The following HUWE1 variants were observed in gnomAD, a reference collection of about 807,000 sequenced individuals.
The protein encoded by HUWE1 is HECT, UBA and WWE domain containing E3 ubiquitin protein ligase 1, also known as E3 ubiquitin-protein ligase HUWE1.
In HUWE1, 18 loss-of-function variants were observed where a neutral mutation model predicts 299.4. The observed-to-expected ratio is 0.06, with a 90% CI of 0.04 to 0.09. The LOEUF (loss-of-function observed/expected upper bound fraction) is 0.09. Among genes scored for constraint, HUWE1 ranks in the 10% least tolerant of loss-of-function variants. The pLI is 1.00. For missense variants in HUWE1, 1,832 were observed against 3,462.3 expected, an observed-to-expected ratio of 0.53 and a Z score of 11.82; for synonymous variants, 1,317 against 1,286.1, an observed-to-expected ratio of 1.02 and a Z score of -0.51.
intron 19 of HUWE1, among the ~76,000 whole-genome samples, chrX:53,618,972 A>AT (rs1481251191): frequency 1.8e-5 from 2 of 112,065 alleles, no homozygotes; most frequent in African/African-American, 3.2e-5. Context: ...TTCCCAACTC[A>AT]TAAGACTACA....
At chrX:53,549,789 T>C (rs2061692653) in intron 66 of HUWE1, among the ~76,000 whole-genome samples, 1 of 107,562 alleles carries the variant, frequency 9.3e-6, no homozygotes, top group Admixed American at 1.0e-4. Context: ...TCTCGCTCTG[T>C]CACCCAGGCT....
chrX:53,601,165 A>T lies in HUWE1; in HGVS notation c.2972-856T>A, dbSNP rs1038073304. On this transcript the variant is annotated intron_variant, in intron 28 of 83. Transcript: ENST00000262854. ...AATTTCCCTTTCTAGTAATTTCTGT[A>T]CAAGTTTTAAGCCTGATACCTTTTT... Among the ~76,000 whole-genome samples, 12 of 109,728 alleles carry T rather than the reference A, an allele frequency of 1.1e-4. No individual in the cohort carries two copies. The East Asian group carries it at 2.8e-3, about 26-fold the overall frequency.
chrX:53,543,704 C>T, intron 73 of HUWE1, 137 bp downstream of exon 73: 5 of 916,353 alleles, frequency 5.5e-6, no homozygotes, highest in Non-Finnish European at 7.6e-6. Context: ...AGAAAGTAAC[C>T]CTTTTGTCCA....
At chrX:53,572,355 A>G (rs894606846) in intron 47 of HUWE1, among the ~76,000 whole-genome samples, 9 of 111,644 alleles carry the variant, frequency 8.1e-5, no homozygotes, top group Admixed American at 1.9e-4. Flanking sequence ...GCTTTATTTA[A>G]CTTGGCTAGT....
chrX:53,647,619 G>A (rs377246688), intron 5 of HUWE1, 45 bp from the exon 6 acceptor site: 15 of 945,561 alleles, frequency 1.6e-5, no homozygotes, highest in Non-Finnish European at 2.1e-5. Context: ...AGGTAGAAGC[G>A]CCGCATGGGT....
chrX:53,624,772 G>T, intron 18 of HUWE1, 97 bp from the exon 19 acceptor site: 1 of 610,472 alleles, frequency 1.6e-6, no homozygotes, highest in Non-Finnish European at 2.7e-6. Context: ...ATCACACTGT[G>T]GTCCTCAAAG....
intron 52 of HUWE1, 59 bp from the exon 53 acceptor site, chrX:53,562,988 G>A (rs1285370034): frequency 9.9e-7 from 1 of 1,010,166 alleles, no homozygotes; most frequent in African/African-American, 1.9e-5. Context: ...TTCCAGACTG[G>A]GTGCGTCTAA....
intron 3 of HUWE1, among the ~76,000 whole-genome samples, chrX:53,675,132 C>A (rs1339229148): frequency 9.0e-6 from 1 of 110,879 alleles, no homozygotes; most frequent in Non-Finnish European, 1.9e-5. Context: ...TTGATCACTA[C>A]CTGGGTATGG....
chrX:53,611,771 C>T (rs781922020), intron 23 of HUWE1, among the ~76,000 whole-genome samples: 4 of 108,931 alleles, frequency 3.7e-5, no homozygotes, highest in East Asian at 5.7e-4. Flanking sequence ...GGACCGAGAA[C>T]TGCTTGAACT....
chrX:53,547,849 G>A lies in HUWE1; in HGVS notation c.10460C>T (p.Thr3487Ile). ...GSGASSTTTA[T>I]STTSTTTTTA... ...GGTGGTGGTGGTAGATGTGGTTGAGGTGGCAGTGGTGGTGGAGGAAGCACC... is the reference window on the plus strand; with the variant it reads ...GGTGGTGGTGGTAGATGTGGTTGAGATGGCAGTGGTGGTGGAGGAAGCACC... The change falls in exon 68 of 84, where the codon ACC becomes ATC. Residue 3487 changes from threonine to isoleucine, a missense_variant. Thr to Ile is a moderately conservative substitution (Grantham distance 89). Around this residue, in one of 15 missense-constraint regions of HUWE1, gnomAD observed 119 missense variants for 124.6 expected, o/e 0.96. Transcript: ENST00000262854. 1 of 1,202,223 alleles carries A rather than the reference G, an allele frequency of 8.3e-7. No homozygotes were observed. The highest frequency in any genetic ancestry group is 1.1e-6 in the Non-Finnish European group (1 of 890,091).
intron 28 of HUWE1, among the ~76,000 whole-genome samples, chrX:53,602,355 C>A (rs1603023319): frequency 1.1e-5 from 1 of 93,860 alleles, no homozygotes; most frequent in African/African-American, 4.0e-5. Context: ...TTTTTGGTGG[C>A]AGAAATACGG....
chrX:53,679,821 C>A (rs2070038171), intron 3 of HUWE1, among the ~76,000 whole-genome samples: 1 of 111,079 alleles, frequency 9.0e-6, no homozygotes, highest in East Asian at 2.8e-4. Flanking sequence ...TTGAACGATG[C>A]CTAGGGTGAT....
At chrX:53,645,076 C>G (rs1569507623) in intron 7 of HUWE1, among the ~76,000 whole-genome samples, 1 of 112,116 alleles carries the variant, frequency 8.9e-6, no homozygotes, top group East Asian at 2.8e-4. Flanking sequence ...GTGAAATTGC[C>G]ACTTTTGAAC....
chrX:53,583,448 A>G (rs781891623), intron 42 of HUWE1, 110 bp downstream of exon 42: 9 of 587,776 alleles, frequency 1.5e-5, no homozygotes, highest in South Asian at 1.4e-4. Context: ...TACAGTATAC[A>G]TATCTAGCTA....
At chrX:53,645,697 A>G (rs1569507933) in intron 6 of HUWE1, among the ~76,000 whole-genome samples, 1 of 87,594 alleles carries the variant, frequency 1.1e-5, no homozygotes, top group African/African-American at 4.3e-5. Context: ...TGGGCAACAG[A>G]GGGAGACTCT....
intron 80 of HUWE1, chrX:53,535,894 C>T (rs992110653): frequency 7.1e-5 from 27 of 378,205 alleles, no homozygotes; most frequent in Non-Finnish European, 1.0e-4. Context: ...AAAGACCTAC[C>T]CTTGGGAATG....
intron 27 of HUWE1, among the ~76,000 whole-genome samples, chrX:53,602,969 A>G (rs2148644319): frequency 1.9e-5 from 2 of 107,495 alleles, no homozygotes; most frequent in South Asian, 4.1e-4. Context: ...CTCCTGCCTC[A>G]GCCTCCCAAA....
At chrX:53,639,879 A>G (rs2067464068) in intron 7 of HUWE1, among the ~76,000 whole-genome samples, 1 of 112,581 alleles carries the variant, frequency 8.9e-6, no homozygotes, top group African/African-American at 3.2e-5. Context: ...GATCCTAAAA[A>G]AACTATGAGG....
At chrX:53,666,393 T>A (rs1410889980) in intron 3 of HUWE1, among the ~76,000 whole-genome samples, 3 of 111,935 alleles carry the variant, frequency 2.7e-5, no homozygotes, top group Non-Finnish European at 5.6e-5. Context: ...TAGCCCTGTG[T>A]TGATCACTGT....
Sources: gnomAD v4.1 joint callset for allele counts (sites outside exome capture counted in the v4.1 genomes callset) on GRCh38, gnomAD v4.1.1 for gene constraint, gnomAD v4.1.1 regional missense constraint, MANE v1.5 for transcripts, NCBI Gene and HGNC (gene_info 2026-07-23, HGNC 2026-07-21) for gene names.